Variants in FSTL4 observed in about 807,000 individuals in gnomAD.
The protein encoded by FSTL4 is follistatin-related protein 4.
Under a neutral mutation model 78.2 loss-of-function variants are expected in FSTL4, and 28 were observed. The ratio of observed to expected loss-of-function variants is 0.36; its 90% CI spans 0.27 to 0.49. FSTL4 has a LOEUF of 0.49. Ranked by LOEUF, FSTL4 falls within the 20% of genes least tolerant of loss-of-function variation. FSTL4 has a pLI of 0.98. For missense variants in FSTL4, 922 were observed against 1,084.9 expected (o/e 0.85, Z 2.11); for synonymous variants, 422 against 440.5 (o/e 0.96, Z 0.53).
rs1750168559 is a variant in FSTL4, at chr5:133,197,186, C to G, written c.*1909G>C. 1 of 151,278 alleles carries G rather than the reference C, an allele frequency of 6.6e-6. No homozygotes were observed. Among genetic ancestry groups the G allele is most frequent in the South Asian group, 2.1e-4 (1 of 4,788 alleles). 9.4% of individuals were successfully genotyped at this position (151,278 alleles called of 1,614,324 possible). ...ATCCTTTTTCTGTCAGGGGCTGATA[C>G]AATGGAAATTTTTCCAAAAAAAAGT... On this transcript the variant is annotated 3_prime_UTR_variant, in exon 16 of 16. Coordinates refer to ENST00000265342, the MANE Select transcript of FSTL4 (RefSeq NM_015082.2).
the FSTL4 span, among the ~76,000 whole-genome samples, chr5:133,752,215 TA>T: frequency 6.6e-6 from 1 of 152,292 alleles, no homozygotes; most frequent in South Asian, 2.1e-4. Flanking sequence ...GGTAGAATCT[TA>T]AAAACCAAAG....
At chr5:133,700,682 G>A in the FSTL4 span, among the ~76,000 whole-genome samples, 2 of 152,256 alleles carry the variant, frequency 1.3e-5, no homozygotes, top group East Asian at 1.9e-4. Context: ...AACCCAGGCA[G>A]CTCATTCTCA....
chr5:133,665,129 C>T, the FSTL4 span, among the ~76,000 whole-genome samples: 5 of 152,162 alleles, frequency 3.3e-5, no homozygotes, highest in African/African-American at 1.2e-4. Flanking sequence ...GGGCCCAAAC[C>T]ACACCAACGA....
intron 3 of FSTL4, among the ~76,000 whole-genome samples, chr5:133,431,878 C>G (rs1011991260): frequency 6.6e-6 from 1 of 152,012 alleles, no homozygotes; most frequent in African/African-American, 2.4e-5. Flanking sequence ...GGGTTTTTTT[C>G]ATTAATAATT....
At chr5:133,624,322 G>T in the FSTL4 span, among the ~76,000 whole-genome samples, 1 of 151,848 alleles carries the variant, frequency 6.6e-6, no homozygotes, top group South Asian at 2.1e-4. Context: ...TCAAAAACAT[G>T]TTAAGTGAAA....
At chr5:133,833,869 AC>A in the FSTL4 span, among the ~76,000 whole-genome samples, 1 of 152,168 alleles carries the variant, frequency 6.6e-6, no homozygotes, top group South Asian at 2.1e-4. Context: ...TTTAAAACAA[AC>A]CCTTTTGGAT....
the FSTL4 span, among the ~76,000 whole-genome samples, chr5:133,819,123 T>G: frequency 1.3e-5 from 2 of 150,762 alleles, no homozygotes; most frequent in Non-Finnish European, 2.9e-5. Context: ...CTGCCTTGCG[T>G]ACACATGAAA....
chr5:133,691,467 T>C, the FSTL4 span, among the ~76,000 whole-genome samples: 1 of 152,128 alleles, frequency 6.6e-6, no homozygotes. Context: ...GACCCACATC[T>C]AAATTCTGAG....
At chr5:133,792,615 T>C in the FSTL4 span, among the ~76,000 whole-genome samples, 1 of 152,226 alleles carries the variant, frequency 6.6e-6, no homozygotes, top group Non-Finnish European at 1.5e-5. Context: ...CTCCTGCTCC[T>C]AGCAGGGGTC....
chr5:133,224,719 C>A (rs541739051), intron 10 of FSTL4, among the ~76,000 whole-genome samples: 1 of 152,170 alleles, frequency 6.6e-6, no homozygotes, highest in East Asian at 1.9e-4. Flanking sequence ...GAGGAGAGCA[C>A]GCTTAGCACA....
chr5:133,424,924 G>A (rs1756778779), intron 3 of FSTL4, among the ~76,000 whole-genome samples: 1 of 152,164 alleles, frequency 6.6e-6, no homozygotes, highest in Non-Finnish European at 1.5e-5. Context: ...AAAATGCTAG[G>A]CCTTTCCTCC....
the FSTL4 span, among the ~76,000 whole-genome samples, chr5:133,792,574 C>T: frequency 6.6e-6 from 1 of 152,170 alleles, no homozygotes; most frequent in East Asian, 1.9e-4. Flanking sequence ...TCCTTGTTTC[C>T]GTCACTCTGT....
rs148033216 is a variant in FSTL4 at position 133,383,103 on chromosome 5, G to A, written c.409+17635C>T. ...TGGCATGACCAGCTACTCCCCAGCT[G>A]GCCAAGCCCGGCCCACCCTGATTTT... On this transcript the variant is annotated intron_variant, in intron 4 of 15. Coordinates refer to ENST00000265342, the MANE Select transcript of FSTL4 (RefSeq NM_015082.2). Among the ~76,000 whole-genome samples the A allele has an allele frequency of 1.5e-3, 234 of 152,256 alleles. 1 individual carries two copies. Among genetic ancestry groups the A allele is most frequent in the African/African-American group, 5.4e-3 (225 of 41,548 alleles).
At chr5:133,290,332 C>A (rs947074368) in intron 6 of FSTL4, among the ~76,000 whole-genome samples, 32 of 152,260 alleles carry the variant, frequency 2.1e-4, no homozygotes, top group South Asian at 2.1e-4. Context: ...TCTGCTGATG[C>A]CCTCTGCCGC....
chr5:133,495,589 A>C lies in FSTL4; in HGVS notation c.160+71597T>G, dbSNP rs556177784. Among the ~76,000 whole-genome samples the C allele has an allele frequency of 1.8e-3, 277 of 152,314 alleles. 3 individuals carry two copies. Among genetic ancestry groups the C allele is most frequent in the Non-Finnish European group, 1.7e-3 (115 of 68,028 alleles). On this transcript the variant is annotated intron_variant, in intron 3 of 15. Coordinates refer to ENST00000265342, the MANE Select transcript of FSTL4 (RefSeq NM_015082.2). Reference sequence around the variant, plus strand: ...ACCTTCTACAAAGAGAGAACTGAAAAGTCTCTGGAGCTTGATGGGGAAGTT... The same window carrying C: ...ACCTTCTACAAAGAGAGAACTGAAACGTCTCTGGAGCTTGATGGGGAAGTT...
intron 3 of FSTL4, among the ~76,000 whole-genome samples, chr5:133,456,742 C>T (rs1489893469): frequency 1.3e-5 from 2 of 152,158 alleles, no homozygotes; most frequent in Non-Finnish European, 2.9e-5. Context: ...GCACAAGTAA[C>T]ACACCACATA....
the FSTL4 span, among the ~76,000 whole-genome samples, chr5:133,787,264 C>G: frequency 6.6e-6 from 1 of 152,222 alleles, no homozygotes; most frequent in African/African-American, 2.4e-5. Context: ...TAGCCTCTAT[C>G]TTACCTGGCA....
At chr5:133,721,311 T>A in the FSTL4 span, among the ~76,000 whole-genome samples, 1 of 152,240 alleles carries the variant, frequency 6.6e-6, no homozygotes, top group Admixed American at 6.5e-5. Flanking sequence ...ATTTATATGA[T>A]TTATACACCA....
At chr5:133,275,840 T>C (rs192206363) in intron 6 of FSTL4, 1 of 152,332 alleles carries the variant, frequency 6.6e-6, no homozygotes, top group East Asian at 1.9e-4. Flanking sequence ...TGAGTCATCA[T>C]GCAGCACACG....
Sources: allele counts gnomAD v4.1 joint callset (sites outside exome capture counted in the v4.1 genomes callset), GRCh38; gene constraint gnomAD v4.1.1; transcripts MANE v1.5; gene names NCBI Gene and HGNC (gene_info 2026-07-23, HGNC 2026-07-21).